ATF3: variants seen among roughly 807,000 people sequenced by gnomAD.
The protein encoded by ATF3 is activating transcription factor 3, also known as cyclic AMP-dependent transcription factor ATF-3.
A neutral mutation model predicts 18.4 loss-of-function variants in ATF3; 10 were observed. That is an observed-to-expected ratio of 0.54 (90% confidence interval 0.34 to 0.92). The LOEUF (loss-of-function observed/expected upper bound fraction) is 0.92. Ranked by LOEUF, ATF3 falls within the 40% of genes least tolerant of loss-of-function variation. ATF3 has a pLI of 0.02. For synonymous variants in ATF3, 78 were observed against 87.9 expected (o/e 0.89, Z 0.63); for missense variants, 183 against 222.3 (o/e 0.82, Z 1.12).
chr1:212,595,544 C>CCTT (rs1426354708), intron 1 of ATF3, among the ~76,000 whole-genome samples: 4 of 152,174 alleles, frequency 2.6e-5, no homozygotes, highest in Non-Finnish European at 4.4e-5. Context: ...TGCACAGGGA[C>CCTT]CGGAAATGTG....
At chr1:212,571,709 C>T (rs1158185767) in intron 1 of ATF3, among the ~76,000 whole-genome samples, 1 of 140,776 alleles carries the variant, frequency 7.1e-6, no homozygotes, top group African/African-American at 2.7e-5. Context: ...CGCGCCCAGC[C>T]AATACTTTTT....
Position 212,618,027 on chromosome 1 carries a change from GC to G in ATF3, c.241-97del. Reference sequence around the variant, plus strand: ...TTCGGGGTCTTTTAGCGCTAGCATTGCCCTTGTCTGCCAGCTTTTGCTGGCA... The same window carrying G: ...TTCGGGGTCTTTTAGCGCTAGCATTGCCTTGTCTGCCAGCTTTTGCTGGCA... On this transcript the variant is annotated intron_variant, in intron 2 of 3. Coordinates refer to ENST00000341491, the MANE Select transcript of ATF3 (RefSeq NM_001674.4). This position sits in a 1 kb window ranked among gnomAD's most constrained non-coding sequence, Gnocchi z 4.4. The G allele has an allele frequency of 8.2e-7, 1 of 1,218,606 alleles. No homozygotes were observed. Among genetic ancestry groups the G allele is most frequent in the Admixed American group, 2.0e-5 (1 of 51,052 alleles). The allele number at this position is 1,218,606 out of a possible 1,614,324, so 75.5% of individuals were successfully genotyped here. A position where few individuals can be genotyped will look rare whatever the true frequency, so the allele number is the denominator to read the frequency against.
chr1:212,609,377 GGGGGGGGGGGGC>G (rs1023184450), intron 1 of ATF3, among the ~76,000 whole-genome samples: 4 of 80,290 alleles, frequency 5.0e-5, no homozygotes, highest in African/African-American at 2.1e-4. Flanking sequence ...TTCCCGGGTG[GGGGGGGGGGGGC>G]GCAGAGAGGC....
intron 2 of ATF3, 86 bp downstream of exon 2, chr1:212,615,347 G>T: frequency 6.7e-7 from 1 of 1,492,630 alleles, no homozygotes. Flanking sequence ...GCAGGGGGCT[G>T]TTGTTGAGAG....
intron 1 of ATF3, among the ~76,000 whole-genome samples, chr1:212,593,365 C>G (rs548378548): frequency 2.4e-4 from 36 of 151,588 alleles, no homozygotes; most frequent in African/African-American, 8.0e-4. Flanking sequence ...GGGTGCAGCA[C>G]ATCAACATGG....
At chr1:212,576,385 A>G (rs930975407) in intron 1 of ATF3, among the ~76,000 whole-genome samples, 13 of 151,820 alleles carry the variant, frequency 8.6e-5, no homozygotes, top group Admixed American at 8.5e-4. Flanking sequence ...GTTTCAAAAA[A>G]CTAACTTTGT....
chr1:212,607,058 T>A (rs4310504), upstream of ATF3, among the ~76,000 whole-genome samples: 1 of 152,206 alleles, frequency 6.6e-6, no homozygotes, highest in Admixed American at 6.5e-5. Flanking sequence ...CGCGTGGAAC[T>A]CCAGGGCTCC....
intron 1 of ATF3, among the ~76,000 whole-genome samples, chr1:212,580,228 A>T (rs1571761020): frequency 6.6e-6 from 1 of 152,222 alleles, no homozygotes; most frequent in Non-Finnish European, 1.5e-5. Context: ...ATACTGATGG[A>T]TACAATTACT....
chr1:212,595,043 T>C (rs1295000873), intron 1 of ATF3, among the ~76,000 whole-genome samples: 1 of 152,212 alleles, frequency 6.6e-6, no homozygotes, highest in Non-Finnish European at 1.5e-5. Context: ...ATTACAGTTA[T>C]ATTTATTTAA....
intron 1 of ATF3, among the ~76,000 whole-genome samples, chr1:212,584,648 A>C (rs1390310244): frequency 6.6e-6 from 1 of 152,242 alleles, no homozygotes; most frequent in Admixed American, 6.5e-5. Context: ...AAGGTCACCC[A>C]AAATGCCCTC....
chr1:212,572,869 A>C (rs1664509888), intron 1 of ATF3, among the ~76,000 whole-genome samples: 1 of 152,212 alleles, frequency 6.6e-6, no homozygotes, highest in Admixed American at 6.5e-5. Context: ...ATTGGATAAT[A>C]GTTCTATATA....
At chr1:212,582,068 A>T (rs1664693680) in intron 1 of ATF3, among the ~76,000 whole-genome samples, 1 of 152,210 alleles carries the variant, frequency 6.6e-6, no homozygotes, top group Non-Finnish European at 1.5e-5. Context: ...CACTTACAGG[A>T]TTGCAAAATT....
intron 2 of ATF3, among the ~76,000 whole-genome samples, 192 bp downstream of exon 2, chr1:212,615,453 G>A (rs1655081658): frequency 6.6e-6 from 1 of 152,060 alleles, no homozygotes; most frequent in African/African-American, 2.4e-5. Context: ...AGAGATGAGT[G>A]CAAAGGAGAA....
intron 1 of ATF3, among the ~76,000 whole-genome samples, chr1:212,596,378 A>G (rs2102638236): frequency 6.6e-6 from 1 of 152,362 alleles, no homozygotes; most frequent in South Asian, 2.1e-4. Context: ...TTCTAAGAAC[A>G]TGTTTTCCAA....
intron 1 of ATF3, among the ~76,000 whole-genome samples, chr1:212,582,271 C>T (rs1664696778): frequency 6.6e-6 from 1 of 152,232 alleles, no homozygotes; most frequent in South Asian, 2.1e-4. Flanking sequence ...CTTCATTGTG[C>T]ACCACCTTTT....
intron 1 of ATF3, among the ~76,000 whole-genome samples, chr1:212,568,415 C>T (rs1664420946): frequency 6.6e-6 from 1 of 152,154 alleles, no homozygotes; most frequent in East Asian, 1.9e-4. Flanking sequence ...ACATTTGCAT[C>T]ATGGAAAAAG....
In ATF3 at chr1:212,584,339, G is replaced by C. The variant is rs147032908; in HGVS notation, c.-5+18856G>C. On this transcript the variant is annotated intron_variant, in intron 1 of 3. Transcript: ENST00000366981. ...TGTGTATAAGAGATTTATTGTAAGG[G>C]ACTTGGCTCATGCAATTATGGAGGT... Among the ~76,000 whole-genome samples the C allele has an allele frequency of 6.6e-3, 997 of 152,152 alleles. 26 individuals are homozygous for C. The highest frequency in any genetic ancestry group is 0.059 in the Admixed American group (907 of 15,290).
intron 2 of ATF3, among the ~76,000 whole-genome samples, 160 bp from the exon 3 acceptor site, chr1:212,617,967 A>G (rs1655203080): frequency 6.9e-6 from 1 of 143,886 alleles, no homozygotes; most frequent in Non-Finnish European, 1.5e-5. Flanking sequence ...GTGTGTGTGT[A>G]GGGGTTTTCA....
At chr1:212,599,882 G>A (rs1351608013) in intron 1 of ATF3, among the ~76,000 whole-genome samples, 1 of 152,170 alleles carries the variant, frequency 6.6e-6, no homozygotes, top group Non-Finnish European at 1.5e-5. Context: ...CCTGCCTCAG[G>A]TGAGGCAACA....
Sources: allele counts gnomAD v4.1 joint callset (sites outside exome capture counted in the v4.1 genomes callset), GRCh38; gene constraint gnomAD v4.1.1; non-coding constraint Gnocchi (gnomAD v3.1); transcripts MANE v1.5; gene names NCBI Gene and HGNC (gene_info 2026-07-23, HGNC 2026-07-21).